Variants in ERCC1 observed in about 807,000 individuals in gnomAD.
ERCC1 encodes the protein ERCC excision repair 1, endonuclease non-catalytic subunit.
A neutral mutation model predicts 37.6 loss-of-function variants in ERCC1; 36 were observed. That is an observed-to-expected ratio of 0.96 (90% CI 0.73 to 1.26). The LOEUF (loss-of-function observed/expected upper bound fraction) is 1.26. ERCC1 is among the 50% of genes most tolerant of loss of function. The pLI is 0.00. For missense variants in ERCC1, 349 were observed against 376.5 expected (o/e 0.93, Z 0.60); for synonymous variants, 156 against 162.1 (o/e 0.96, Z 0.28).
chr19:45,438,710 C>T (rs868396319), intron 1 of ERCC1, among the ~76,000 whole-genome samples: 16 of 151,918 alleles, frequency 1.1e-4, no homozygotes, highest in African/African-American at 3.6e-4. Context: ...GGCTGGATCT[C>T]GGCTCAGCGT....
intron 1 of ERCC1, among the ~76,000 whole-genome samples, chr19:45,444,335 GCCCGCGCCCCTCCCGGGCGCGCT>G (rs1975202046): frequency 7.3e-6 from 1 of 137,166 alleles, no homozygotes; most frequent in Middle Eastern, 3.8e-3. Context: ...CCCAAGGCCG[GCCCGCGCCCCTCCCGGGCGCGCT>G]CCCACGCCCG....
At chr19:45,427,351 T>C (rs1974719854), upstream of ERCC1, among the ~76,000 whole-genome samples, 1 of 152,098 alleles carries the variant, frequency 6.6e-6, no homozygotes. Context: ...GGCTCACGCC[T>C]GTAATCTCGG....
intron 9 of ERCC1, 187 bp downstream of exon 9, chr19:45,413,490 G>C (rs1205938642): frequency 1.6e-6 from 2 of 1,245,064 alleles, no homozygotes; most frequent in Non-Finnish European, 2.4e-6. Context: ...TGCCCAGGCT[G>C]GTCTCCAACT....
rs548752904 is a variant in ERCC1 at position 45,407,543 on chromosome 19, C to T, written c.*2132G>A. ...ACGACCATTAATCCTGCAACCTAAGCTTGCTCATTTATGTTATATTTAAGT... is the reference window on the plus strand; with the variant it reads ...ACGACCATTAATCCTGCAACCTAAGTTTGCTCATTTATGTTATATTTAAGT... On this transcript the variant is annotated 3_prime_UTR_variant, in exon 10 of 10. Coordinates refer to ENST00000300853, the MANE Select transcript of ERCC1 (RefSeq NM_001983.4). 8.7e-6 allele frequency: 3 copies of T among 344,400 alleles called. No individual in the cohort carries two copies. Among genetic ancestry groups the T allele is most frequent in the African/African-American group, 6.4e-5 (3 of 46,962 alleles). 21.3% of individuals were successfully genotyped at this position (344,400 alleles called of 1,614,324 possible). A position where few individuals can be genotyped will look rare whatever the true frequency, so the allele number is the denominator to read the frequency against.
intron 1 of ERCC1, among the ~76,000 whole-genome samples, chr19:45,431,469 G>T (rs573611181): frequency 2.6e-5 from 4 of 152,270 alleles, no homozygotes; most frequent in South Asian, 4.2e-4. Context: ...CCTGAGGTCA[G>T]GAATTCAAGA....
upstream of ERCC1, chr19:45,424,114 G>C: frequency 9.9e-7 from 1 of 1,006,156 alleles, no homozygotes; most frequent in Non-Finnish European, 1.2e-6. Context: ...GGGCTCAGTG[G>C]AGAACAGATC....
intron 6 of ERCC1, among the ~76,000 whole-genome samples, chr19:45,416,028 G>A (rs867323736): frequency 2.6e-5 from 4 of 152,046 alleles, no homozygotes; most frequent in Admixed American, 1.3e-4. Flanking sequence ...TCAGCTGCTC[G>A]GGAGGCTGAG....
intron 5 of ERCC1, among the ~76,000 whole-genome samples, chr19:45,418,545 C>T (rs3212962): frequency 4.2e-3 from 623 of 149,446 alleles, no homozygotes; most frequent in African/African-American, 0.015. Flanking sequence ...GAGATATGGC[C>T]AGGCACGGTG....
upstream of ERCC1, among the ~76,000 whole-genome samples, chr19:45,428,083 C>CTTTTTTTTT (rs5828235): frequency 1.0e-3 from 120 of 115,972 alleles, 4 homozygotes; most frequent in African/African-American, 3.6e-3. Context: ...TTCTTTCTTT[C>CTTTTTTTTT]TTTTTTTTTT....
In ERCC1 at chr19:45,421,214, C is replaced by T. The variant is rs374748617; in HGVS notation, c.285G>A (p.Gly95=). The change falls in exon 3 of 10, where the codon GGG becomes GGA. Residue 95 remains glycine (G), a synonymous_variant. Coordinates refer to ENST00000300853, the MANE Select transcript of ERCC1 (RefSeq NM_001983.4). The part of the protein sequence containing the change: ...GETPNQALKP[G]AKSNSIIVSP... ...TCACAATGATGCTGTTGGATTTTGC[C>T]CCGGGTTTCAGGGCCTGGTTGGGCG... The T allele has an allele frequency of 5.0e-6, 8 of 1,614,082 alleles. No homozygotes were observed. In the African/African-American group the frequency reaches 9.3e-5, roughly 19 times the overall value.
At chr19:45,436,333 CAA>C (rs1286945252) in intron 1 of ERCC1, among the ~76,000 whole-genome samples, 2 of 152,146 alleles carry the variant, frequency 1.3e-5, no homozygotes, top group East Asian at 1.9e-4. Flanking sequence ...TGACTTAAAA[CAA>C]GAGAAATTCG....
chr19:45,446,285 T>G (rs1333818217), intron 1 of ERCC1, among the ~76,000 whole-genome samples: 1 of 152,168 alleles, frequency 6.6e-6, no homozygotes, highest in East Asian at 1.9e-4. Flanking sequence ...GACCAGTCAC[T>G]GTCATGGTCC....
At chr19:45,439,644 CT>C (rs1975066340) in intron 1 of ERCC1, among the ~76,000 whole-genome samples, 1 of 152,164 alleles carries the variant, frequency 6.6e-6, no homozygotes, top group African/African-American at 2.4e-5. Context: ...CGCGGCGCCC[CT>C]GCCCAAAACT....
chr19:45,449,613 T>A (rs1404128863), intron 1 of ERCC1, among the ~76,000 whole-genome samples: 1 of 152,106 alleles, frequency 6.6e-6, no homozygotes, highest in East Asian at 1.9e-4. Flanking sequence ...TGCAGTGAGC[T>A]GTGATCATAC....
intron 1 of ERCC1, among the ~76,000 whole-genome samples, chr19:45,451,168 C>G (rs373184605): frequency 5.3e-5 from 8 of 152,120 alleles, no homozygotes; most frequent in East Asian, 3.9e-4. Flanking sequence ...CTGTCTGCCC[C>G]GGGACCGCCT....
At chr19:45,428,083 C>CTTTTTTTTTTTTTTTT (rs5828235), upstream of ERCC1, among the ~76,000 whole-genome samples, 19 of 116,016 alleles carry the variant, frequency 1.6e-4, 1 homozygote, top group African/African-American at 6.5e-4. Flanking sequence ...TTCTTTCTTT[C>CTTTTTTTTTTTTTTTT]TTTTTTTTTT....
intron 9 of ERCC1, 68 bp downstream of exon 9, chr19:45,413,608 TC>T (rs1309218164): frequency 1.2e-6 from 2 of 1,614,182 alleles, no homozygotes; most frequent in East Asian, 4.5e-5. Context: ...AACTTTGGGG[TC>T]TCAGGTTGTG....
At chr19:45,434,112 C>CCAGCCT (rs971240132) in intron 1 of ERCC1, among the ~76,000 whole-genome samples, 3 of 144,542 alleles carry the variant, frequency 2.1e-5, no homozygotes, top group Non-Finnish European at 4.5e-5. Context: ...CCACTGCACT[C>CCAGCCT]CAGCCTGGCC....
At chr19:45,415,129 T>G (rs1599818318) in intron 6 of ERCC1, among the ~76,000 whole-genome samples, 169 bp from the exon 7 acceptor site, 1 of 145,626 alleles carries the variant, frequency 6.9e-6, no homozygotes, top group African/African-American at 2.6e-5. Context: ...AGGTCAGGAG[T>G]TCGAGACCAG....
Sources: allele counts gnomAD v4.1 joint callset (sites outside exome capture counted in the v4.1 genomes callset), GRCh38; gene constraint gnomAD v4.1.1; transcripts MANE v1.5; gene names NCBI Gene and HGNC (gene_info 2026-07-23, HGNC 2026-07-21).